VPS13C: variants seen among roughly 807,000 people sequenced by gnomAD.
VPS13C encodes the protein vacuolar protein sorting 13 homolog C, also known as intermembrane lipid transfer protein VPS13C.
Under a neutral mutation model 456.8 loss-of-function variants are expected in VPS13C, and 358 were observed. The ratio of observed to expected loss-of-function variants is 0.78; its 90% CI spans 0.72 to 0.86. VPS13C has a LOEUF of 0.86. Among genes scored for constraint, VPS13C ranks in the 40% least tolerant of loss-of-function variants. VPS13C has a pLI of 0.00. For synonymous variants in VPS13C, 1,578 were observed against 1,486.7 expected, an observed-to-expected ratio of 1.06 and a Z score of -1.41; for missense variants, 4,818 against 4,385.4, an observed-to-expected ratio of 1.10 and a Z score of -2.79.
chr15:61,877,487 T>C lies in VPS13C; in HGVS notation c.10143-433A>G, dbSNP rs577839384. Among the ~76,000 whole-genome samples the C allele has an allele frequency of 1.7e-3, 260 of 149,974 alleles. 1 individual carries two copies. The highest frequency in any genetic ancestry group is 3.8e-3 in the Admixed American group (57 of 14,972). ...CATAGCATGCTACCATGTGGCAGTGTCGTAACAAACAATTCTTCCACTGTC... is the reference window on the plus strand; with the variant it reads ...CATAGCATGCTACCATGTGGCAGTGCCGTAACAAACAATTCTTCCACTGTC... On this transcript the variant is annotated intron_variant, in intron 74 of 84. Transcript: ENST00000644861.
At chr15:61,856,636 G>T in intron 82 of VPS13C, 17 of 303,584 alleles carry the variant, frequency 5.6e-5, no homozygotes, top group South Asian at 2.0e-4. Context: ...TTCCCCTTCT[G>T]TCAATCTTGC....
intron 72 of VPS13C, 23 bp downstream of exon 72, chr15:61,880,820 C>A: frequency 6.4e-7 from 1 of 1,573,614 alleles, no homozygotes; most frequent in South Asian, 1.2e-5. Flanking sequence ...TTTATATTTT[C>A]CCCAAGAAAT....
At position 62,044,206 on chromosome 15, in the gene VPS13C, A is replaced by G; in HGVS notation, c.144+6T>C. ...GAGTTATTAGCATAGTTTAAAAAAA[A>G]CTTACCAGGGCATTTTCTTTTATCT... On this transcript the variant is annotated splice_donor_region_variant and intron_variant, in intron 2 of 84. Transcript: ENST00000644861. 2.7e-6 allele frequency: 4 copies of G among 1,482,036 alleles called. No individual in the cohort carries two copies. Among genetic ancestry groups the G allele is most frequent in the Non-Finnish European group, 3.7e-6 (4 of 1,080,146 alleles). The allele number at this position is 1,482,036 out of a possible 1,614,324, so 91.8% of individuals were successfully genotyped here.
intron 6 of VPS13C, among the ~76,000 whole-genome samples, chr15:62,027,289 C>G (rs1405533609): frequency 6.6e-6 from 1 of 151,954 alleles, no homozygotes; most frequent in Non-Finnish European, 1.5e-5. Context: ...ACGGTGACAG[C>G]TGTTATAGTC....
At chr15:62,045,980 T>C (rs1269437363) in intron 1 of VPS13C, among the ~76,000 whole-genome samples, 1 of 152,120 alleles carries the variant, frequency 6.6e-6, no homozygotes, top group African/African-American at 2.4e-5. Context: ...ATTCCACACA[T>C]ACATAGAAAA....
intron 82 of VPS13C, among the ~76,000 whole-genome samples, chr15:61,861,191 A>G (rs1429459026): frequency 7.9e-5 from 12 of 151,504 alleles, no homozygotes; most frequent in Admixed American, 7.9e-4. Flanking sequence ...TCGAACTCCC[A>G]ACCTCAAGTG....
At chr15:62,049,610 T>C (rs2140769804) in intron 1 of VPS13C, among the ~76,000 whole-genome samples, 1 of 152,336 alleles carries the variant, frequency 6.6e-6, no homozygotes, top group South Asian at 2.1e-4. Context: ...CCATATGAAC[T>C]TTAAAGTAGT....
intron 10 of VPS13C, 42 bp downstream of exon 10, chr15:62,013,891 G>C (rs765942344): frequency 8.0e-6 from 11 of 1,378,278 alleles, no homozygotes; most frequent in Non-Finnish European, 1.1e-5. Flanking sequence ...TAAATTAAGT[G>C]CACCTAGGAA....
intron 3 of VPS13C, among the ~76,000 whole-genome samples, chr15:62,037,312 A>ATG (rs2048069196): frequency 4.0e-5 from 3 of 74,808 alleles, no homozygotes; most frequent in African/African-American, 1.7e-4. Flanking sequence ...ATATATATAA[A>ATG]TATATTATAT....
chr15:62,060,213 C>A lies in VPS13C; in HGVS notation c.100+62G>T, dbSNP rs1055735047. 3.4e-5 allele frequency: 32 copies of A among 944,258 alleles called. No homozygotes were observed. In the African/African-American group the frequency reaches 4.8e-4, roughly 14 times the overall value. The allele number at this position is 944,258 out of a possible 1,614,324, so 58.5% of individuals were successfully genotyped here. A position where few individuals can be genotyped will look rare whatever the true frequency, so the allele number is the denominator to read the frequency against. ...AGCAGGGCCCGGGCAGAATCCCGGA[C>A]GGAGCAGCCCTCGGCTGGGCCCTCA... On this transcript the variant is annotated intron_variant, in intron 1 of 84. Transcript: ENST00000644861.
chr15:61,928,803 C>T (rs73430416), intron 51 of VPS13C, among the ~76,000 whole-genome samples: 7,929 of 151,740 alleles, frequency 0.052, 358 homozygotes, highest in African/African-American at 0.12. Flanking sequence ...TGCTTGAGCC[C>T]ACCTCAGGAG....
chr15:62,038,029 T>C (rs1052455387), intron 3 of VPS13C, among the ~76,000 whole-genome samples: 1 of 152,032 alleles, frequency 6.6e-6, no homozygotes. Flanking sequence ...GAATATTGAA[T>C]AAAGAAAAAA....
intron 3 of VPS13C, among the ~76,000 whole-genome samples, chr15:62,036,241 TA>T (rs5813128): frequency 0.53 from 79,958 of 151,800 alleles, 21,330 homozygotes; most frequent in Admixed American, 0.61. Context: ...TGTGAATAAT[TA>T]AAGTCACTTA....
At chr15:61,869,894 G>A (rs1894883285) in intron 79 of VPS13C, among the ~76,000 whole-genome samples, 3 of 152,118 alleles carry the variant, frequency 2.0e-5, no homozygotes, top group Admixed American at 2.0e-4. Flanking sequence ...AGCACTCCAG[G>A]TGATCCTGAC....
rs562942639 is a variant in VPS13C, at chr15:61,938,786, G to A, written c.5601+1861C>T. Among the ~76,000 whole-genome samples, 6 of 152,154 alleles carry A rather than the reference G, an allele frequency of 3.9e-5. No homozygotes were observed. The South Asian group carries it at 1.2e-3, about 32-fold the overall frequency. ...GATCTCGTTTCCCATTACAGATATA[G>A]CAGAAGCCCCGTGTGTACTTCTCTG... On this transcript the variant is annotated intron_variant, in intron 47 of 84. Transcript: ENST00000644861.
At chr15:62,042,101 T>C (rs1351295470) in intron 2 of VPS13C, among the ~76,000 whole-genome samples, 7 of 152,134 alleles carry the variant, frequency 4.6e-5, no homozygotes, top group Admixed American at 3.9e-4. Flanking sequence ...ATTTAGTAAA[T>C]GAATAAACTT....
chr15:62,031,891 A>G (rs74019294), intron 5 of VPS13C, among the ~76,000 whole-genome samples: 157 of 152,048 alleles, frequency 1.0e-3, no homozygotes, highest in African/African-American at 3.6e-3. Flanking sequence ...CATATTACCA[A>G]TTAAACTGTC....
intron 16 of VPS13C, among the ~76,000 whole-genome samples, chr15:61,995,278 A>G (rs1351337796): frequency 6.6e-6 from 1 of 152,248 alleles, no homozygotes; most frequent in East Asian, 1.9e-4. Flanking sequence ...AAGTAAGCAA[A>G]GCAGGCAAAT....
intron 83 of VPS13C, among the ~76,000 whole-genome samples, chr15:61,856,004 A>C (rs549174885): frequency 1.3e-5 from 2 of 152,246 alleles, no homozygotes; most frequent in East Asian, 3.9e-4. Context: ...AAGTTAAAAA[A>C]AAAACCTCTC....
Sources: allele counts gnomAD v4.1 joint callset (sites outside exome capture counted in the v4.1 genomes callset), GRCh38; gene constraint gnomAD v4.1.1; transcripts MANE v1.5; gene names NCBI Gene and HGNC (gene_info 2026-07-23, HGNC 2026-07-21).